FKBP15: variants seen among roughly 807,000 people sequenced by gnomAD.
FKBP15 encodes the protein FKBP prolyl isomerase family member 15, also known as FK506-binding protein 15.
A neutral mutation model predicts 158.1 loss-of-function variants in FKBP15; 106 were observed. That is an observed-to-expected ratio of 0.67 (90% CI 0.57 to 0.79). The LOEUF is 0.79. Among genes scored for constraint, FKBP15 ranks in the 30% least tolerant of loss-of-function variants. The probability of loss-of-function intolerance (pLI) is 0.00; values close to 1 mark genes in which losing one functional copy is unlikely to be tolerated. For missense variants in FKBP15, 1,287 were observed against 1,479.1 expected, an observed-to-expected ratio of 0.87 and a Z score of 2.13; for synonymous variants, 547 against 548.6, an observed-to-expected ratio of 1.00 and a Z score of 0.04.
rs530258450 is a variant in FKBP15, at chr9:113,180,485, G to C, written c.1915-1684C>G. On this transcript the variant is annotated intron_variant, in intron 19 of 27. Transcript: ENST00000238256. ...AGGTCAGGGTATAATCAAGTGAGAAGGGAAAACACAAAAAAATCTACACCC... is the reference window on the plus strand; with the variant it reads ...AGGTCAGGGTATAATCAAGTGAGAACGGAAAACACAAAAAAATCTACACCC... Among the ~76,000 whole-genome samples, 7 of 98,008 alleles carry C rather than the reference G, an allele frequency of 7.1e-5. No individual in the cohort carries two copies. The South Asian group carries it at 1.9e-3, about 26-fold the overall frequency. 64.3% of individuals were successfully genotyped at this position (98,008 alleles called of 152,430 possible).
intron 1 of FKBP15, among the ~76,000 whole-genome samples, 188 bp from the exon 2 acceptor site, chr9:113,211,780 A>G (rs1214017405): frequency 2.0e-5 from 3 of 151,614 alleles, no homozygotes; most frequent in Admixed American, 6.6e-5. Flanking sequence ...AAAATATTGG[A>G]CACAGCAAAG....
At chr9:113,189,468 T>G (rs1032267592) in intron 12 of FKBP15, among the ~76,000 whole-genome samples, 2 of 152,100 alleles carry the variant, frequency 1.3e-5, no homozygotes, top group African/African-American at 4.8e-5. Context: ...TCTATAATTT[T>G]AAATTATTCT....
chr9:113,195,812 G>A (rs565810312), intron 9 of FKBP15, among the ~76,000 whole-genome samples: 48 of 152,082 alleles, frequency 3.2e-4, no homozygotes, highest in Non-Finnish European at 6.3e-4. Flanking sequence ...ATATATTCAT[G>A]TTAAATTTTT....
intron 23 of FKBP15, among the ~76,000 whole-genome samples, chr9:113,172,200 AG>A (rs1424481072): frequency 6.6e-6 from 1 of 152,146 alleles, no homozygotes; most frequent in Non-Finnish European, 1.5e-5. Flanking sequence ...ATGGCTGCAT[AG>A]TATTCCATGG....
At chr9:113,182,071 G>A (rs1830408130) in intron 19 of FKBP15, among the ~76,000 whole-genome samples, 1 of 152,148 alleles carries the variant, frequency 6.6e-6, no homozygotes, top group Non-Finnish European at 1.5e-5. Flanking sequence ...ATGAGAAAGT[G>A]AGTAAACTCC....
In FKBP15 at chr9:113,198,486, T is replaced by G. The variant is rs1830727440; in HGVS notation, c.717+369A>C. ...AAATTCCACAGGCCGGACATGGTGG[T>G]TCATGCCTGTAATCCCGGCACTTTG... is the stretch of plus-strand genomic sequence containing the variant. On this transcript the variant is annotated intron_variant, in intron 8 of 27. Transcript: ENST00000238256. The surrounding 1 kb of genome is among the most constrained non-coding windows in gnomAD (Gnocchi z 5.2). Among the ~76,000 whole-genome samples, 1 of 152,190 alleles carries G rather than the reference T, an allele frequency of 6.6e-6. No individual in the cohort carries two copies. Among genetic ancestry groups the G allele is most frequent in the Admixed American group, 6.5e-5 (1 of 15,274 alleles).
chr9:113,178,381 A>C (rs1012668668), intron 20 of FKBP15, among the ~76,000 whole-genome samples: 6 of 152,190 alleles, frequency 3.9e-5, no homozygotes, highest in African/African-American at 1.4e-4. Context: ...AGTACCAAAG[A>C]TTTTGAAGCC....
At chr9:113,201,102 T>C (rs1015456943) in intron 6 of FKBP15, among the ~76,000 whole-genome samples, 8 of 144,654 alleles carry the variant, frequency 5.5e-5, no homozygotes, top group African/African-American at 2.0e-4. Context: ...GAGGCATCAT[T>C]TTTTTTTTTT....
chr9:113,177,691 A>C (rs1422932619), intron 20 of FKBP15, among the ~76,000 whole-genome samples: 1 of 152,236 alleles, frequency 6.6e-6, no homozygotes. Context: ...TTACCAATTG[A>C]CATCATTGTT....
intron 1 of FKBP15, among the ~76,000 whole-genome samples, chr9:113,216,999 C>G (rs7855694): frequency 0.34 from 49,959 of 148,810 alleles, 8,522 homozygotes; most frequent in African/African-American, 0.39. Context: ...CACCTCCAGG[C>G]TTCAAGCGAT....
intron 15 of FKBP15, among the ~76,000 whole-genome samples, chr9:113,185,169 G>A (rs1405988998): frequency 8.5e-5 from 13 of 152,186 alleles, no homozygotes; most frequent in Admixed American, 7.9e-4. Context: ...AACAAAACAC[G>A]GCTTCTGCCC....
intron 1 of FKBP15, among the ~76,000 whole-genome samples, chr9:113,213,243 T>C (rs775405356): frequency 6.6e-6 from 1 of 152,110 alleles, no homozygotes; most frequent in Non-Finnish European, 1.5e-5. Context: ...ACCCTATCTC[T>C]ACTAAAAGTA....
intron 13 of FKBP15, 44 bp from the exon 14 acceptor site, chr9:113,187,943 C>T (rs748868720): frequency 6.8e-7 from 1 of 1,475,066 alleles, no homozygotes. Flanking sequence ...ACCCTTGCTT[C>T]TTGGTGTGAG....
At position 113,166,064 on chromosome 9, in the gene FKBP15, A is replaced by G. The variant is rs1359301359; in HGVS notation, c.*14T>C. On this transcript the variant is annotated 3_prime_UTR_variant, in exon 28 of 28. Coordinates refer to ENST00000238256, the MANE Select transcript of FKBP15 (RefSeq NM_015258.2). The stretch of plus-strand genomic sequence containing the variant: ...AGGGTTGCAGAGAAACCTTTGCACC[A>G]GTTTCCTGGGTCTTCATCCCAGCCA... The G allele has an allele frequency of 5.6e-6, 9 of 1,611,776 alleles. No homozygotes were observed. Among genetic ancestry groups the G allele is most frequent in the Middle Eastern group, 3.3e-4 (2 of 6,060 alleles).
At chr9:113,217,517 C>A (rs1831164005) in intron 1 of FKBP15, among the ~76,000 whole-genome samples, 1 of 152,088 alleles carries the variant, frequency 6.6e-6, no homozygotes, top group Admixed American at 6.6e-5. Context: ...GTCCCATTTT[C>A]TATTAATATC....
intron 22 of FKBP15, among the ~76,000 whole-genome samples, chr9:113,174,177 G>T (rs904636407): frequency 2.0e-5 from 3 of 151,860 alleles, no homozygotes; most frequent in African/African-American, 2.4e-5. Context: ...AATTTTTTTT[G>T]TAAGGAAACT....
intron 24 of FKBP15, among the ~76,000 whole-genome samples, chr9:113,170,961 G>A (rs188817598): frequency 1.5e-3 from 226 of 152,354 alleles, no homozygotes; most frequent in Non-Finnish European, 2.2e-3. Flanking sequence ...CTAAGGGTCA[G>A]AGGCCAGTGG....
chr9:113,215,170 C>T (rs1461084334), intron 1 of FKBP15, among the ~76,000 whole-genome samples: 1 of 152,186 alleles, frequency 6.6e-6, no homozygotes, highest in Non-Finnish European at 1.5e-5. Context: ...CACAATATGG[C>T]TAACTGGCAC....
At chr9:113,181,049 T>TA (rs1186225808) in intron 19 of FKBP15, among the ~76,000 whole-genome samples, 2 of 152,238 alleles carry the variant, frequency 1.3e-5, no homozygotes, top group East Asian at 3.9e-4. Context: ...TTCATTGAAA[T>TA]AAAGATGATC....
Sources: gnomAD v4.1 joint callset for allele counts (sites outside exome capture counted in the v4.1 genomes callset) on GRCh38, gnomAD v4.1.1 for gene constraint, Gnocchi (gnomAD v3.1) non-coding constraint, MANE v1.5 for transcripts, NCBI Gene and HGNC (gene_info 2026-07-23, HGNC 2026-07-21) for gene names.